Variants in MYO9A observed in about 807,000 individuals in gnomAD.
MYO9A encodes unconventional myosin-IXa.
A neutral mutation model predicts 293.3 loss-of-function variants in MYO9A; 103 were observed. The ratio of observed to expected loss-of-function variants is 0.35; its 90% CI spans 0.30 to 0.41. The LOEUF is 0.41. Among genes scored for constraint, MYO9A ranks in the 10% least tolerant of loss-of-function variants. MYO9A has a pLI of 1.00. For missense variants in MYO9A, 2,685 were observed against 3,033.0 expected (o/e 0.89, Z 2.69); for synonymous variants, 1,001 against 1,035.7 (o/e 0.97, Z 0.64).
intron 18 of MYO9A, among the ~76,000 whole-genome samples, chr15:71,929,472 C>T (rs1019929336): frequency 2.0e-5 from 3 of 152,252 alleles, no homozygotes; most frequent in Admixed American, 6.5e-5. Context: ...TCCTTCTATA[C>T]CTAATTCGTT....
At chr15:72,042,305 G>A (rs1043412359) in intron 2 of MYO9A, among the ~76,000 whole-genome samples, 1 of 151,848 alleles carries the variant, frequency 6.6e-6, no homozygotes, top group Admixed American at 6.6e-5. Flanking sequence ...ATTGAGACCA[G>A]CCTGGGCAAC....
At chr15:71,999,408 G>A (rs2076800044) in intron 9 of MYO9A, among the ~76,000 whole-genome samples, 1 of 151,680 alleles carries the variant, frequency 6.6e-6, no homozygotes. Context: ...TGCGTCCTAG[G>A]GTACTCTACC....
chr15:71,880,656 A>C, intron 28 of MYO9A, 98 bp from the exon 29 acceptor site: 1 of 1,050,566 alleles, frequency 9.5e-7, no homozygotes, highest in Non-Finnish European at 1.4e-6. Context: ...AAGTCACTGA[A>C]GGAAACATGC....
intron 12 of MYO9A, among the ~76,000 whole-genome samples, chr15:71,973,399 A>G (rs139242297): frequency 2.6e-5 from 4 of 152,284 alleles, no homozygotes; most frequent in African/African-American, 9.6e-5. Context: ...GGATTATGAG[A>G]GTAACTACAT....
rs530822331 is a variant in MYO9A, at chr15:72,016,375, G to A, written c.1155+2664C>T. 2.0e-5 allele frequency among the ~76,000 whole-genome samples: 3 copies of A among 152,238 alleles called. No homozygotes were observed. In the East Asian group the frequency reaches 5.8e-4, roughly 29 times the overall value. On this transcript the variant is annotated intron_variant, in intron 6 of 41. Coordinates refer to ENST00000356056, the MANE Select transcript of MYO9A (RefSeq NM_006901.4). ...TCTCCCATGCAACACTGCTGTTTGT[G>A]CTTATTTAATAGGATAACCCTTAAA...
chr15:71,967,854 G>A, intron 13 of MYO9A, 130 bp downstream of exon 13: 1 of 875,582 alleles, frequency 1.1e-6, no homozygotes, highest in Non-Finnish European at 1.6e-6. Context: ...AGTTTTAGTA[G>A]TATCTTTATA....
chr15:71,865,216 T>A (rs773685938), intron 32 of MYO9A, among the ~76,000 whole-genome samples: 1 of 152,190 alleles, frequency 6.6e-6, no homozygotes, highest in Non-Finnish European at 1.5e-5. Flanking sequence ...ACACAAGTTT[T>A]ACTGGTAATA....
chr15:72,065,576 CAACAAA>C (rs1428320913), intron 1 of MYO9A, among the ~76,000 whole-genome samples: 1 of 142,418 alleles, frequency 7.0e-6, no homozygotes, highest in African/African-American at 2.6e-5. Context: ...ACAACAACAA[CAACAAA>C]AAAAACACAC....
chr15:71,899,878 C>G lies in MYO9A; in HGVS notation c.3279G>C (p.Arg1093=), dbSNP rs2057433383. 6.8e-6 allele frequency: 11 copies of G among 1,614,142 alleles called. No individual in the cohort carries two copies. The highest frequency in any genetic ancestry group is 8.5e-6 in the Non-Finnish European group (10 of 1,180,044). The change falls in exon 24 of 42, where the codon CGG becomes CGC. Residue 1093 remains arginine (R), a synonymous_variant. Transcript: ENST00000356056. ...TGGCTGCAGCCCGTAACTCCAAGTA[C>G]CGCTGCCTCTCTAAGTGAGCACGCC... ...ASWRAHLERQ[R]YLELRAAAIV...
chr15:71,919,203 G>A (rs772937116), intron 18 of MYO9A, among the ~76,000 whole-genome samples: 3 of 152,080 alleles, frequency 2.0e-5, no homozygotes, highest in African/African-American at 7.2e-5. Flanking sequence ...ATCCGAGAAC[G>A]GCTGAGGCAG....
At chr15:71,934,593 T>A (rs1474515846) in intron 17 of MYO9A, among the ~76,000 whole-genome samples, 2 of 151,116 alleles carry the variant, frequency 1.3e-5, no homozygotes, top group African/African-American at 4.9e-5. Flanking sequence ...AACTAATAAC[T>A]TTTTTTCCTT....
intron 1 of MYO9A, among the ~76,000 whole-genome samples, chr15:72,071,462 C>T (rs1424943235): frequency 6.6e-6 from 1 of 152,082 alleles, no homozygotes; most frequent in African/African-American, 2.4e-5. Flanking sequence ...AAATTAGGGT[C>T]AGGCGCAGTG....
chr15:72,060,870 A>G (rs2078859417), intron 1 of MYO9A, among the ~76,000 whole-genome samples: 1 of 152,120 alleles, frequency 6.6e-6, no homozygotes, highest in Non-Finnish European at 1.5e-5. Flanking sequence ...CAGCCCAAAC[A>G]GTGCTTGCAT....
chr15:71,845,741 ACTT>A (rs1300998462), intron 39 of MYO9A, among the ~76,000 whole-genome samples: 3 of 152,176 alleles, frequency 2.0e-5, no homozygotes, highest in South Asian at 2.1e-4. Flanking sequence ...AATTTTATTT[ACTT>A]CTTAACTGTT....
chr15:72,045,430 AT>A (rs1338261590), intron 2 of MYO9A: 19 of 192,722 alleles, frequency 9.9e-5, no homozygotes, highest in Non-Finnish European at 1.4e-4. Context: ...CGCCTGGCTA[AT>A]TTTTTTTGTA....
At position 71,935,401 on chromosome 15, in the gene MYO9A, T is replaced by C; in HGVS notation, c.2462A>G (p.Asp821Gly). ...LSSGTSLLDK[D>G]GIFANSTSSK... The stretch of plus-strand genomic sequence containing the variant: ...GCTAGTTGAATTAGCAAATATTCCA[T>C]CTTTATCAAGCAAGGAGGTGCCACT... Residue 821 changes from aspartate (D) to glycine (G), a missense_variant, in exon 17 of 42, where the codon GAT becomes GGT. By Grantham distance (94) the Asp-to-Gly change is moderately conservative (BLOSUM62 -1). Around this residue, in one of 10 missense-constraint regions of MYO9A, gnomAD observed 1,434 missense variants for 1,497.7 expected, o/e 0.96. Coordinates refer to ENST00000356056, the MANE Select transcript of MYO9A (RefSeq NM_006901.4). 1 of 1,613,744 alleles carries C rather than the reference T, an allele frequency of 6.2e-7. No homozygotes were observed.
chr15:71,867,490 CACAG>C (rs2056369550), intron 32 of MYO9A, among the ~76,000 whole-genome samples: 3 of 151,636 alleles, frequency 2.0e-5, no homozygotes, highest in South Asian at 4.2e-4. Context: ...CAACTTATAT[CACAG>C]ACAAAGGGTA....
At chr15:72,015,309 C>T (rs1050830630) in intron 6 of MYO9A, among the ~76,000 whole-genome samples, 12 of 152,126 alleles carry the variant, frequency 7.9e-5, no homozygotes, top group Middle Eastern at 3.2e-3. Context: ...CAGTAGGAAT[C>T]TTTATACTGC....
upstream of MYO9A, chr15:72,118,337 T>G (rs1309445727): frequency 5.1e-6 from 1 of 194,524 alleles, no homozygotes; most frequent in African/African-American, 2.3e-5. Context: ...AGCTTTAGAT[T>G]CTCCCTGTAC....
Sources: gnomAD v4.1 joint callset for allele counts (sites outside exome capture counted in the v4.1 genomes callset) on GRCh38, gnomAD v4.1.1 for gene constraint, gnomAD v4.1.1 regional missense constraint, MANE v1.5 for transcripts, NCBI Gene and HGNC (gene_info 2026-07-23, HGNC 2026-07-21) for gene names.